Variants in CNNM4 observed in about 807,000 individuals in gnomAD.
CNNM4 encodes the protein cyclin and CBS domain divalent metal cation transport mediator 4.
In CNNM4, 32 loss-of-function variants were observed where a neutral mutation model predicts 53.7. The observed-to-expected ratio is 0.60, with a 90% confidence interval of 0.45 to 0.80. The LOEUF is 0.80. CNNM4 is among the 30% of genes least tolerant of loss of function. The probability of loss-of-function intolerance (pLI) is 0.00; values close to 1 mark genes in which losing one functional copy is unlikely to be tolerated. For missense variants in CNNM4, 784 were observed against 1,022.0 expected (o/e 0.77, Z 3.17); for synonymous variants, 410 against 440.0 (o/e 0.93, Z 0.85).
chr2:96,772,451 C>T (rs1238906494), intron 1 of CNNM4, among the ~76,000 whole-genome samples: 1 of 141,668 alleles, frequency 7.1e-6, no homozygotes, highest in Non-Finnish European at 1.5e-5. Context: ...CACTCATACC[C>T]CCACATAGGC....
At chr2:96,770,261 T>C (rs1283338568) in intron 1 of CNNM4, among the ~76,000 whole-genome samples, 1 of 152,228 alleles carries the variant, frequency 6.6e-6, no homozygotes, top group Non-Finnish European at 1.5e-5. Flanking sequence ...CTCGTATTTT[T>C]AACTAGGAAA....
chr2:96,801,220 G>T lies in CNNM4; in HGVS notation c.1948+1572G>T. On this transcript the variant is annotated intron_variant, in intron 5 of 6. Transcript: ENST00000377075. The surrounding 1 kb of genome is among the most constrained non-coding windows in gnomAD (Gnocchi z 5.6). Reference sequence around the variant, plus strand: ...TGCATTAACCTCCCCACATGGACCCGGACCCCCGCCTGCTCAATGTGGGCC... The same window carrying T: ...TGCATTAACCTCCCCACATGGACCCTGACCCCCGCCTGCTCAATGTGGGCC... The T allele has an allele frequency of 6.7e-6, 5 of 742,074 alleles. No homozygotes were observed. Among genetic ancestry groups the T allele is most frequent in the Non-Finnish European group, 8.2e-6 (5 of 607,560 alleles). 46.0% of individuals were successfully genotyped at this position (742,074 alleles called of 1,614,324 possible). A position where few individuals can be genotyped will look rare whatever the true frequency, so the allele number is the denominator to read the frequency against.
At chr2:96,781,268 C>T (rs979180054) in intron 1 of CNNM4, among the ~76,000 whole-genome samples, 5 of 151,972 alleles carry the variant, frequency 3.3e-5, no homozygotes, top group Admixed American at 1.3e-4. Context: ...CGTGAGCCAC[C>T]GTGCCCGGCC....
intron 1 of CNNM4, among the ~76,000 whole-genome samples, chr2:96,785,491 G>T (rs1162885333): frequency 6.6e-6 from 1 of 151,562 alleles, no homozygotes. Flanking sequence ...ACGAAAGTTG[G>T]CCAGGCATGA....
In CNNM4 at chr2:96,801,577, GCACACACACAGAGAGAC is replaced by G. The variant is rs1462636831; in HGVS notation, c.1948+1944_1948+1960del. On this transcript the variant is annotated intron_variant, in intron 5 of 6. Transcript: ENST00000377075. The surrounding 1 kb of genome is among the most constrained non-coding windows in gnomAD (Gnocchi z 5.6). Reference sequence around the variant, plus strand: ...CACACAGAGACCACACACAGAGATAGCACACACACAGAGAGACCACACACACAGAGACCACACACAGA... The same window carrying G: ...CACACAGAGACCACACACAGAGATAGCACACACACAGAGACCACACACAGA... Among the ~76,000 whole-genome samples the G allele has an allele frequency of 3.0e-5, 4 of 133,272 alleles. No individual in the cohort carries two copies. Among genetic ancestry groups the G allele is most frequent in the Admixed American group, 2.3e-4 (3 of 12,856 alleles). The allele number at this position is 133,272 out of a possible 152,430, so 87.4% of individuals were successfully genotyped here.
At chr2:96,768,728 C>T (rs1326942016) in intron 1 of CNNM4, among the ~76,000 whole-genome samples, 4 of 152,216 alleles carry the variant, frequency 2.6e-5, no homozygotes, top group Admixed American at 2.6e-4. Flanking sequence ...GCATTGTTTA[C>T]ACTGGAGCTT....
chr2:96,804,742 G>C (rs2079187114), intron 5 of CNNM4, among the ~76,000 whole-genome samples: 1 of 151,710 alleles, frequency 6.6e-6, no homozygotes, highest in Non-Finnish European at 1.5e-5. Context: ...TGCCATATTG[G>C]CCAGGCTGGT....
At position 96,767,528 on chromosome 2, in the gene CNNM4, C is replaced by G. The variant is rs190350150; in HGVS notation, c.1402+5127C>G. On this transcript the variant is annotated intron_variant, in intron 1 of 6. Transcript: ENST00000377075. The stretch of plus-strand genomic sequence containing the variant: ...GGAAGAGGGCAGAGCTCTGCACCCC[C>G]CTTGCAGCCCACCTTCCAGCTTCTA... Among the ~76,000 whole-genome samples the G allele has an allele frequency of 3.3e-5, 5 of 152,212 alleles. No homozygotes were observed. The South Asian group carries it at 8.3e-4, about 25-fold the overall frequency.
At chr2:96,762,759 G>A (rs116606508) in intron 1 of CNNM4, among the ~76,000 whole-genome samples, 86 of 152,294 alleles carry the variant, frequency 5.6e-4, no homozygotes, top group Non-Finnish European at 1.0e-3. Flanking sequence ...GAGTCAGGAA[G>A]GGGCTGGGAA....
intron 1 of CNNM4, among the ~76,000 whole-genome samples, chr2:96,782,502 C>T (rs2078983400): frequency 1.3e-5 from 2 of 151,800 alleles, no homozygotes; most frequent in Admixed American, 1.3e-4. Context: ...AGAAAGATAC[C>T]ATATCATTTT....
In CNNM4 at chr2:96,797,004, T is replaced by C. The variant is rs1293225784; in HGVS notation, c.1403-8T>C. 1 of 1,612,504 alleles carries C rather than the reference T, an allele frequency of 6.2e-7. No individual in the cohort carries two copies. Among genetic ancestry groups the C allele is most frequent in the Admixed American group, 1.7e-5 (1 of 59,984 alleles). ...GGCTCTTGTCTGACTTGCTGCATTGTCCCACAGGGAAGTCCCACCTGGCCA... is the reference window on the plus strand; with the variant it reads ...GGCTCTTGTCTGACTTGCTGCATTGCCCCACAGGGAAGTCCCACCTGGCCA... On this transcript the variant is annotated splice_region_variant and splice_polypyrimidine_tract_variant and intron_variant, in intron 1 of 6. Coordinates refer to ENST00000377075, the MANE Select transcript of CNNM4 (RefSeq NM_020184.4). The surrounding 1 kb of genome is among the most constrained non-coding windows in gnomAD (Gnocchi z 6.0).
At position 96,771,144 on chromosome 2, in the gene CNNM4, C is replaced by A. The variant is rs115627144; in HGVS notation, c.1402+8743C>A. Among the ~76,000 whole-genome samples, 524 of 152,242 alleles carry A rather than the reference C, an allele frequency of 3.4e-3. 2 individuals carry two copies. The highest frequency in any genetic ancestry group is 0.012 in the African/African-American group (494 of 41,544). On this transcript the variant is annotated intron_variant, in intron 1 of 6. Coordinates refer to ENST00000377075, the MANE Select transcript of CNNM4 (RefSeq NM_020184.4). ...CTCAGCCCCTGTGTCTGCTGCCACG[C>A]CTGCCCTGCGCCTCGCTTACCCCTC... is the stretch of plus-strand genomic sequence containing the variant.
At chr2:96,799,973 C>A (rs1399970846) in intron 5 of CNNM4, among the ~76,000 whole-genome samples, 1 of 152,146 alleles carries the variant, frequency 6.6e-6, no homozygotes, top group Admixed American at 6.5e-5. Context: ...GGGAGGAAGG[C>A]CCAGGGCCCT....
intron 1 of CNNM4, among the ~76,000 whole-genome samples, chr2:96,765,025 T>A (rs1192136309): frequency 5.2e-3 from 55 of 10,520 alleles, no homozygotes; most frequent in African/African-American, 0.034. Flanking sequence ...TTGGGAATGG[T>A]TTTTTTTTTT....
intron 5 of CNNM4, among the ~76,000 whole-genome samples, chr2:96,803,101 A>G (rs2079173126): frequency 6.6e-6 from 1 of 152,308 alleles, no homozygotes; most frequent in South Asian, 2.1e-4. Context: ...TGTTTAATAA[A>G]TAAATAAGTA....
rs577238991 is a variant in CNNM4 at position 96,797,743 on chromosome 2, G to A, written c.1681+96G>A. 18 of 1,539,096 alleles carry A rather than the reference G, an allele frequency of 1.2e-5. No individual in the cohort carries two copies. Among genetic ancestry groups the A allele is most frequent in the South Asian group, 2.3e-5 (2 of 87,052 alleles). On this transcript the variant is annotated intron_variant, in intron 3 of 6. Coordinates refer to ENST00000377075, the MANE Select transcript of CNNM4 (RefSeq NM_020184.4). The surrounding 1 kb of genome is among the most constrained non-coding windows in gnomAD (Gnocchi z 6.0). ...GCTTTCCCCCCATAGGACGAGGGCT[G>A]CAGCAGGTGAGGGGTGCAGAGACAA...
At chr2:96,796,526 C>T (rs2079106011) in intron 1 of CNNM4, among the ~76,000 whole-genome samples, 1 of 152,076 alleles carries the variant, frequency 6.6e-6, no homozygotes, top group South Asian at 2.1e-4. Context: ...CTTTGGGAGG[C>T]TGAGATGGGA....
At chr2:96,766,674 A>G (rs1485294573) in intron 1 of CNNM4, among the ~76,000 whole-genome samples, 1 of 152,132 alleles carries the variant, frequency 6.6e-6, no homozygotes, top group Non-Finnish European at 1.5e-5. Context: ...TCCCACTGGC[A>G]TATAAGTTTC....
intron 5 of CNNM4, among the ~76,000 whole-genome samples, chr2:96,805,976 C>T (rs529429447): frequency 1.1e-4 from 16 of 151,620 alleles, no homozygotes; most frequent in Middle Eastern, 3.4e-3. Flanking sequence ...ACCTCCCAGA[C>T]GGGGTGGTGG....
Sources: gnomAD v4.1 joint callset for allele counts (sites outside exome capture counted in the v4.1 genomes callset) on GRCh38, gnomAD v4.1.1 for gene constraint, Gnocchi (gnomAD v3.1) non-coding constraint, MANE v1.5 for transcripts, NCBI Gene and HGNC (gene_info 2026-07-23, HGNC 2026-07-21) for gene names.